Variants in CLVS1 observed in about 807,000 individuals in gnomAD.
CLVS1 encodes clavesin-1.
CLVS1 carries 10 observed loss-of-function variants against 33.1 expected under a neutral mutation model. The ratio of observed to expected loss-of-function variants is 0.30; its 90% confidence interval spans 0.19 to 0.51. CLVS1 has a LOEUF of 0.51. CLVS1 is among the 20% of genes least tolerant of loss of function. CLVS1 has a pLI of 0.97. For synonymous variants in CLVS1, 163 were observed against 166.1 expected, an observed-to-expected ratio of 0.98 and a Z score of 0.14; for missense variants, 343 against 433.4, an observed-to-expected ratio of 0.79 and a Z score of 1.85.
At chr8:61,058,843 G>A (rs779964632) in intron 1 of CLVS1, among the ~76,000 whole-genome samples, 2 of 152,078 alleles carry the variant, frequency 1.3e-5, no homozygotes, top group South Asian at 4.2e-4. Context: ...ATTATTCTGA[G>A]ATTCATCCAT....
At chr8:61,407,554 T>G (rs572847938) in intron 3 of CLVS1, among the ~76,000 whole-genome samples, 3 of 152,360 alleles carry the variant, frequency 2.0e-5, no homozygotes, top group Non-Finnish European at 4.4e-5. Flanking sequence ...CATTTCATTG[T>G]GGGTGACAAC....
At chr8:61,413,104 C>G (rs750901822) in intron 3 of CLVS1, among the ~76,000 whole-genome samples, 1 of 152,032 alleles carries the variant, frequency 6.6e-6, no homozygotes, top group Non-Finnish European at 1.5e-5. Flanking sequence ...TTTGTTGAGG[C>G]CTTTGAAATT....
chr8:61,219,117 G>A (rs1165555688), intron 2 of CLVS1, among the ~76,000 whole-genome samples: 2 of 152,160 alleles, frequency 1.3e-5, no homozygotes, highest in Non-Finnish European at 2.9e-5. Flanking sequence ...GCTGATGGCT[G>A]CAGTCATTTA....
chr8:61,057,599 A>T (rs1241113685), intron 1 of CLVS1, among the ~76,000 whole-genome samples: 1 of 152,042 alleles, frequency 6.6e-6, no homozygotes, highest in Non-Finnish European at 1.5e-5. Context: ...TTTTGTACTT[A>T]GTTCTGGTAT....
the CLVS1 span, among the ~76,000 whole-genome samples, chr8:61,026,715 T>C: frequency 6.6e-6 from 1 of 152,254 alleles, no homozygotes; most frequent in Admixed American, 6.5e-5. Context: ...TAGCTTCATG[T>C]ACCTGGACAC....
chr8:61,391,027 T>C (rs752730332), intron 3 of CLVS1: 13 of 152,080 alleles, frequency 8.5e-5, no homozygotes, highest in Non-Finnish European at 1.8e-4. Context: ...AATTTATATT[T>C]GAAGAGATGT....
chr8:61,033,029 G>GAAAGAA, the CLVS1 span, among the ~76,000 whole-genome samples: 328 of 111,108 alleles, frequency 3.0e-3, 12 homozygotes, highest in African/African-American at 0.011. Flanking sequence ...AAGAAAGAAA[G>GAAAGAA]AAAGAAAGAA....
the CLVS1 span, among the ~76,000 whole-genome samples, chr8:60,981,861 C>T: frequency 5.9e-5 from 9 of 152,188 alleles, no homozygotes; most frequent in East Asian, 3.9e-4. Context: ...GGGCACCCTG[C>T]GAAGCAGGAG....
chr8:61,499,088 C>T (rs533562172), intron 5 of CLVS1, among the ~76,000 whole-genome samples: 1 of 152,042 alleles, frequency 6.6e-6, no homozygotes, highest in East Asian at 1.9e-4. Context: ...TGCTTTTTTG[C>T]CGTAAAAATG....
At chr8:61,227,924 G>T (rs141440112) in intron 2 of CLVS1, among the ~76,000 whole-genome samples, 1 of 152,298 alleles carries the variant, frequency 6.6e-6, no homozygotes, top group Non-Finnish European at 1.5e-5. Flanking sequence ...AGGAGAAAGA[G>T]AGTGAAGCCT....
In CLVS1 at chr8:61,309,345, C is replaced by T. The variant is rs77979626; in HGVS notation, c.455+9063C>T. On this transcript the variant is annotated intron_variant, in intron 2 of 5. Coordinates refer to ENST00000325897, the MANE Select transcript of CLVS1 (RefSeq NM_173519.3). ...CTGTAATACACATACTAAATGGTTA[C>T]AGTCATCTGTCCTTGTGTGTTTCCT... is the stretch of plus-strand genomic sequence containing the variant. Among the ~76,000 whole-genome samples the T allele has an allele frequency of 5.1e-3, 778 of 152,328 alleles. 7 individuals carry two copies. Among genetic ancestry groups the T allele is most frequent in the African/African-American group, 0.017 (712 of 41,572 alleles).
intron 2 of CLVS1, among the ~76,000 whole-genome samples, chr8:61,168,732 TAATA>T (rs1806930967): frequency 6.6e-6 from 1 of 152,222 alleles, no homozygotes; most frequent in Non-Finnish European, 1.5e-5. Context: ...CTAGTCAACC[TAATA>T]AATAAACTCC....
At chr8:61,407,001 A>G (rs1815018898) in intron 3 of CLVS1, among the ~76,000 whole-genome samples, 2 of 152,214 alleles carry the variant, frequency 1.3e-5, no homozygotes, top group Admixed American at 1.3e-4. Flanking sequence ...GGTATATTGA[A>G]CTTCATTATA....
intron 1 of CLVS1, among the ~76,000 whole-genome samples, chr8:61,120,957 T>C (rs10109409): frequency 0.16 from 22,273 of 139,016 alleles, 2,192 homozygotes; most frequent in African/African-American, 0.23. Context: ...CAATGGCGGG[T>C]GCCCCTCCCC....
At chr8:61,477,782 TTG>T (rs1279657240) in intron 5 of CLVS1, among the ~76,000 whole-genome samples, 20 of 152,192 alleles carry the variant, frequency 1.3e-4, no homozygotes, top group Non-Finnish European at 2.4e-4. Flanking sequence ...GAAGGGTTTT[TTG>T]TGTCTCTATG....
intron 4 of CLVS1, among the ~76,000 whole-genome samples, chr8:61,455,952 C>T (rs1817140321): frequency 6.6e-6 from 1 of 152,212 alleles, no homozygotes; most frequent in Admixed American, 6.5e-5. Flanking sequence ...GGAATTAGAA[C>T]TCACTGGGAT....
intron 2 of CLVS1, among the ~76,000 whole-genome samples, chr8:61,278,452 T>C (rs1190165962): frequency 6.6e-6 from 1 of 152,224 alleles, no homozygotes; most frequent in African/African-American, 2.4e-5. Flanking sequence ...CTCGTATAGA[T>C]GTGTTTCCTT....
chr8:61,010,553 C>A, the CLVS1 span, among the ~76,000 whole-genome samples: 1 of 152,208 alleles, frequency 6.6e-6, no homozygotes, highest in Non-Finnish European at 1.5e-5. Context: ...TGACCTAGAG[C>A]CAGGGAGCTG....
intron 3 of CLVS1, among the ~76,000 whole-genome samples, chr8:61,394,433 T>C (rs376054809): frequency 6.6e-6 from 1 of 152,102 alleles, no homozygotes; most frequent in East Asian, 1.9e-4. Flanking sequence ...GAAGAGCATG[T>C]AGAGAAAAAC....
Sources: allele counts gnomAD v4.1 joint callset (sites outside exome capture counted in the v4.1 genomes callset), GRCh38; gene constraint gnomAD v4.1.1; transcripts MANE v1.5; gene names NCBI Gene and HGNC (gene_info 2026-07-23, HGNC 2026-07-21).